The following PLCB4 variants were observed in gnomAD, a reference collection of about 807,000 sequenced individuals.
PLCB4 encodes the protein 1-phosphatidylinositol 4,5-bisphosphate phosphodiesterase beta-4.
Under a neutral mutation model 178.8 loss-of-function variants are expected in PLCB4, and 77 were observed. The observed-to-expected ratio is 0.43, with a 90% CI of 0.36 to 0.52. The LOEUF is 0.52. Among genes scored for constraint, PLCB4 ranks in the 20% least tolerant of loss-of-function variants. The pLI, the probability that PLCB4 is intolerant of heterozygous loss-of-function variation, is 0.00. For synonymous variants in PLCB4, 496 were observed against 490.8 expected, an observed-to-expected ratio of 1.01 and a Z score of -0.14; for missense variants, 1,024 against 1,453.4, an observed-to-expected ratio of 0.70 and a Z score of 4.80.
chr20:9,351,197 C>G (rs2034308550), intron 7 of PLCB4, among the ~76,000 whole-genome samples: 1 of 149,796 alleles, frequency 6.7e-6, no homozygotes, highest in Non-Finnish European at 1.5e-5. Context: ...TAGTGCTTTA[C>G]TCTTTTTTTT....
intron 2 of PLCB4, among the ~76,000 whole-genome samples, chr20:9,209,825 G>A (rs541962138): frequency 2.6e-4 from 40 of 151,978 alleles, no homozygotes; most frequent in African/African-American, 9.4e-4. Context: ...TTAGCCGGGC[G>A]TGGTGGCGGG....
chr20:9,195,803 C>A (rs1161546362), intron 2 of PLCB4, among the ~76,000 whole-genome samples: 1 of 152,150 alleles, frequency 6.6e-6, no homozygotes, highest in African/African-American at 2.4e-5. Context: ...TTATATATAT[C>A]TCTCTATATC....
chr20:9,132,897 T>G (rs534520885), intron 2 of PLCB4, among the ~76,000 whole-genome samples: 2 of 152,286 alleles, frequency 1.3e-5, no homozygotes, highest in Admixed American at 1.3e-4. Flanking sequence ...TATATTGTAG[T>G]GACTAAAATA....
chr20:9,347,150 T>G (rs2033880367), intron 7 of PLCB4, among the ~76,000 whole-genome samples: 1 of 152,204 alleles, frequency 6.6e-6, no homozygotes, highest in Non-Finnish European at 1.5e-5. Context: ...GCTGAAAACA[T>G]GTCAGGCAAA....
At chr20:9,387,039 C>G (rs536055581) in intron 14 of PLCB4, among the ~76,000 whole-genome samples, 2 of 151,744 alleles carry the variant, frequency 1.3e-5, no homozygotes, top group South Asian at 4.2e-4. Flanking sequence ...TTACAGCCTC[C>G]CAAGTAGCCA....
At chr20:9,149,488 C>T (rs1422910092) in intron 2 of PLCB4, among the ~76,000 whole-genome samples, 1 of 152,186 alleles carries the variant, frequency 6.6e-6, no homozygotes, top group East Asian at 1.9e-4. Flanking sequence ...TTGAATTTGC[C>T]TTCTCTTGCA....
At chr20:9,428,685 T>G (rs980323149) in intron 28 of PLCB4, among the ~76,000 whole-genome samples, 2 of 152,156 alleles carry the variant, frequency 1.3e-5, no homozygotes, top group Admixed American at 6.5e-5. Context: ...AGGATTTTTC[T>G]TCTGCCTGTA....
At chr20:9,353,302 C>T (rs550797951) in intron 7 of PLCB4, among the ~76,000 whole-genome samples, 1 of 152,240 alleles carries the variant, frequency 6.6e-6, no homozygotes, top group African/African-American at 2.4e-5. Flanking sequence ...TGTCTTTTTT[C>T]TTGCACTCAT....
rs1031664862 is a variant in PLCB4, at chr20:9,233,800, C to T, written c.-16+16348C>T. Among the ~76,000 whole-genome samples the T allele has an allele frequency of 1.3e-5, 2 of 152,236 alleles. 1 individual carries two copies. The highest frequency in any genetic ancestry group is 1.3e-4 in the Admixed American group (2 of 15,274). ...GTTAGATGCATGATCACCTTTAGAC[C>T]TTCGTAGGAAGGAGTTTTTAAAATT... On this transcript the variant is annotated intron_variant, in intron 3 of 39. Transcript: ENST00000378473.
intron 4 of PLCB4, among the ~76,000 whole-genome samples, chr20:9,308,382 C>A (rs2094795110): frequency 6.6e-6 from 1 of 152,104 alleles, no homozygotes. Flanking sequence ...ATTGTCTGTG[C>A]CCTTGCAAGG....
intron 28 of PLCB4, among the ~76,000 whole-genome samples, chr20:9,428,258 T>G (rs896486807): frequency 1.3e-5 from 2 of 152,224 alleles, no homozygotes; most frequent in African/African-American, 4.8e-5. Context: ...ATTAAATATT[T>G]GTTGAAAAAC....
chr20:9,136,983 G>C (rs759124076), intron 2 of PLCB4, among the ~76,000 whole-genome samples: 1 of 152,056 alleles, frequency 6.6e-6, no homozygotes, highest in Non-Finnish European at 1.5e-5. Context: ...GGAGAACTGT[G>C]AGGTCAGTTG....
rs541291623 is a variant in PLCB4 at position 9,153,867 on chromosome 20, G to A, written c.-79+57525G>A. ...TTTTGCAAACAAGGTGGGCATTTAGGTATGTAGGTGTTCAGCATTATTTTT... is the reference window on the plus strand; with the variant it reads ...TTTTGCAAACAAGGTGGGCATTTAGATATGTAGGTGTTCAGCATTATTTTT... On this transcript the variant is annotated intron_variant, in intron 2 of 39. Coordinates refer to ENST00000378473, the MANE Select transcript of PLCB4 (RefSeq NM_001377142.1). Among the ~76,000 whole-genome samples, 13 of 152,278 alleles carry A rather than the reference G, an allele frequency of 8.5e-5. No homozygotes were observed. In the South Asian group the frequency reaches 2.5e-3, roughly 29 times the overall value.
At chr20:9,344,284 G>C (rs2033566641) in intron 7 of PLCB4, among the ~76,000 whole-genome samples, 1 of 152,132 alleles carries the variant, frequency 6.6e-6, no homozygotes. Context: ...TCACGTGTCT[G>C]CTGGAAAATT....
chr20:9,201,203 T>C (rs1442060616), intron 2 of PLCB4, among the ~76,000 whole-genome samples: 1 of 152,214 alleles, frequency 6.6e-6, no homozygotes, highest in Admixed American at 6.5e-5. Flanking sequence ...TAATTTTGTG[T>C]TTTCTAAATA....
rs117927440 is a variant in PLCB4, at chr20:9,157,182, G to T, written c.-78-60208G>T. On this transcript the variant is annotated intron_variant, in intron 2 of 39. Coordinates refer to ENST00000378473, the MANE Select transcript of PLCB4 (RefSeq NM_001377142.1). The stretch of plus-strand genomic sequence containing the variant: ...CATTAAGCTACATGAACAAATGGAG[G>T]AATTCCCCTGGAAGCCAAGGACAGA... Among the ~76,000 whole-genome samples the T allele has an allele frequency of 1.9e-4, 29 of 149,602 alleles. No individual in the cohort carries two copies. The East Asian group carries it at 5.4e-3, about 28-fold the overall frequency.
intron 21 of PLCB4, among the ~76,000 whole-genome samples, chr20:9,407,577 G>A (rs527766307): frequency 8.6e-5 from 13 of 152,004 alleles, no homozygotes; most frequent in African/African-American, 2.9e-4. Context: ...TGCCATGTTC[G>A]CCAAGTTTGT....
At chr20:9,215,536 A>G (rs2093720766) in intron 2 of PLCB4, among the ~76,000 whole-genome samples, 1 of 152,218 alleles carries the variant, frequency 6.6e-6, no homozygotes, top group African/African-American at 2.4e-5. Flanking sequence ...AAATTAGTAA[A>G]GTCAGGGTAC....
intron 25 of PLCB4, among the ~76,000 whole-genome samples, chr20:9,415,564 C>G (rs2040184403): frequency 6.6e-6 from 1 of 152,224 alleles, no homozygotes; most frequent in South Asian, 2.1e-4. Flanking sequence ...CGCTTGCCTT[C>G]CAAGGCCTTA....
Sources: gnomAD v4.1 joint callset for allele counts (sites outside exome capture counted in the v4.1 genomes callset) on GRCh38, gnomAD v4.1.1 for gene constraint, MANE v1.5 for transcripts, NCBI Gene and HGNC (gene_info 2026-07-23, HGNC 2026-07-21) for gene names.